Variants in FAM210A observed in about 807,000 individuals in gnomAD.
The protein encoded by FAM210A is family with sequence similarity 210 member A.
FAM210A carries 13 observed loss-of-function variants against 25.3 expected under a neutral mutation model. The ratio of observed to expected loss-of-function variants is 0.51; its 90% confidence interval spans 0.33 to 0.82. The LOEUF is 0.82. FAM210A is among the 40% of genes least tolerant of loss of function. The pLI, the probability that FAM210A is intolerant of heterozygous loss-of-function variation, is 0.02. For missense variants in FAM210A, 319 were observed against 323.2 expected (o/e 0.99, Z 0.10); for synonymous variants, 125 against 118.7 (o/e 1.05, Z -0.35).
At chr18:13,685,422 G>A (rs1049780875) in intron 1 of FAM210A, among the ~76,000 whole-genome samples, 4 of 151,920 alleles carry the variant, frequency 2.6e-5, no homozygotes, top group Non-Finnish European at 5.9e-5. Flanking sequence ...TTAAAGGTCC[G>A]AATAGGAAAC....
chr18:13,724,268 G>A (rs569468042), intron 1 of FAM210A, among the ~76,000 whole-genome samples: 5 of 152,276 alleles, frequency 3.3e-5, no homozygotes, highest in Non-Finnish European at 7.4e-5. Flanking sequence ...CCAGTTCTGA[G>A]TATGATCTTC....
chr18:13,719,914 G>A (rs1001548671), intron 1 of FAM210A, among the ~76,000 whole-genome samples: 1 of 152,126 alleles, frequency 6.6e-6, no homozygotes. Flanking sequence ...CTATAAAATC[G>A]CTCCATGAGG....
intron 1 of FAM210A, among the ~76,000 whole-genome samples, chr18:13,694,391 A>C (rs969839676): frequency 1.8e-4 from 28 of 152,244 alleles, no homozygotes; most frequent in Admixed American, 1.7e-3. Context: ...GGAACCAAAA[A>C]AGAGTCCGCA....
At chr18:13,708,077 C>T (rs2043793472) in intron 1 of FAM210A, among the ~76,000 whole-genome samples, 1 of 152,182 alleles carries the variant, frequency 6.6e-6, no homozygotes, top group South Asian at 2.1e-4. Flanking sequence ...TTTTGCTGCC[C>T]TACAGTTATT....
intron 1 of FAM210A, among the ~76,000 whole-genome samples, chr18:13,699,235 C>T (rs1396325018): frequency 6.6e-6 from 1 of 152,228 alleles, no homozygotes; most frequent in Non-Finnish European, 1.5e-5. Context: ...CTCCCTAATG[C>T]ACTGATGGCT....
intron 1 of FAM210A, among the ~76,000 whole-genome samples, chr18:13,721,217 T>G (rs1222851801): frequency 6.6e-6 from 1 of 152,180 alleles, no homozygotes; most frequent in Non-Finnish European, 1.5e-5. Context: ...AGGTGTATTT[T>G]TGGCTTTGTT....
At chr18:13,717,104 C>A (rs1378509483) in intron 1 of FAM210A, among the ~76,000 whole-genome samples, 19 of 152,184 alleles carry the variant, frequency 1.2e-4, no homozygotes, top group Admixed American at 1.2e-3. Flanking sequence ...TGAAGCAAGG[C>A]TGGGGTGGAT....
At chr18:13,721,003 C>A (rs1481215601) in intron 1 of FAM210A, among the ~76,000 whole-genome samples, 2 of 152,104 alleles carry the variant, frequency 1.3e-5, no homozygotes, top group African/African-American at 4.8e-5. Context: ...GGATTAGGGG[C>A]CCAGCCTACT....
chr18:13,726,028 G>C (rs45567346), intron 1 of FAM210A, among the ~76,000 whole-genome samples: 4 of 152,218 alleles, frequency 2.6e-5, no homozygotes, highest in South Asian at 2.1e-4. Flanking sequence ...TCGGAAGAAG[G>C]GGGGAGAACA....
chr18:13,691,137 A>C (rs1212158053), intron 1 of FAM210A, among the ~76,000 whole-genome samples: 3 of 152,266 alleles, frequency 2.0e-5, no homozygotes, highest in Admixed American at 6.5e-5. Context: ...AATTTGATCA[A>C]GTGGAAGAAA....
chr18:13,705,216 C>T (rs1457964205), intron 1 of FAM210A, among the ~76,000 whole-genome samples: 1 of 152,168 alleles, frequency 6.6e-6, no homozygotes, highest in East Asian at 1.9e-4. Flanking sequence ...ACTCCATAGT[C>T]TAAGTCAAAT....
rs2043445742 is a variant in FAM210A, at chr18:13,671,853, A to G, written c.585+9T>C. On this transcript the variant is annotated intron_variant, in intron 3 of 3. Transcript: ENST00000651643. ...TTCTGAGGAGCAATGGGTTTGTTAC[A>G]GTACCCACCTTAAACAAGGCATATG... 2 of 1,585,342 alleles carry G rather than the reference A, an allele frequency of 1.3e-6. No individual in the cohort carries two copies. Among genetic ancestry groups the G allele is most frequent in the South Asian group, 2.2e-5 (2 of 90,426 alleles).
chr18:13,703,243 C>T (rs908134176), intron 1 of FAM210A, among the ~76,000 whole-genome samples: 1 of 152,160 alleles, frequency 6.6e-6, no homozygotes, highest in Non-Finnish European at 1.5e-5. Context: ...AGGAAATACA[C>T]TTTTAGGGAT....
At chr18:13,714,521 T>C (rs552261189) in intron 1 of FAM210A, among the ~76,000 whole-genome samples, 9 of 152,338 alleles carry the variant, frequency 5.9e-5, no homozygotes, top group East Asian at 1.9e-4. Flanking sequence ...AAGAAAGTGA[T>C]ATGATAAAAG....
intron 1 of FAM210A, among the ~76,000 whole-genome samples, chr18:13,706,108 G>A (rs1249836067): frequency 6.6e-6 from 1 of 152,124 alleles, no homozygotes; most frequent in Non-Finnish European, 1.5e-5. Context: ...CAAAACTTCA[G>A]GACCTTGTAT....
intron 1 of FAM210A, among the ~76,000 whole-genome samples, chr18:13,709,818 C>G (rs371059014): frequency 6.6e-6 from 1 of 152,138 alleles, no homozygotes; most frequent in Non-Finnish European, 1.5e-5. Context: ...GAAAGTGAAC[C>G]CAAGTTATTG....
chr18:13,686,428 G>A (rs1468519114), intron 1 of FAM210A, among the ~76,000 whole-genome samples: 1 of 152,204 alleles, frequency 6.6e-6, no homozygotes, highest in Non-Finnish European at 1.5e-5. Flanking sequence ...TGCTACGTCT[G>A]TAAACCAGTG....
At chr18:13,677,669 C>A (rs773742442) in intron 2 of FAM210A, among the ~76,000 whole-genome samples, 8 of 152,004 alleles carry the variant, frequency 5.3e-5, no homozygotes, top group Non-Finnish European at 1.0e-4. Context: ...TCTTTGGAGG[C>A]AGAAATTGGG....
intron 1 of FAM210A, among the ~76,000 whole-genome samples, chr18:13,690,676 A>G (rs2043636017): frequency 6.6e-6 from 1 of 152,220 alleles, no homozygotes; most frequent in Non-Finnish European, 1.5e-5. Context: ...ACTCCAACAG[A>G]CCTGCAGCTA....
Sources: gnomAD v4.1 joint callset for allele counts (sites outside exome capture counted in the v4.1 genomes callset) on GRCh38, gnomAD v4.1.1 for gene constraint, MANE v1.5 for transcripts, NCBI Gene and HGNC (gene_info 2026-07-23, HGNC 2026-07-21) for gene names.